Variants in PDE3B observed in about 807,000 individuals in gnomAD.
The protein encoded by PDE3B is phosphodiesterase 3B.
In PDE3B, 66 loss-of-function variants were observed where a neutral mutation model predicts 116.8. The ratio of observed to expected loss-of-function variants is 0.56; its 90% confidence interval spans 0.46 to 0.69. The LOEUF (loss-of-function observed/expected upper bound fraction) is 0.69, where lower values mean the gene tolerates loss of function less well. Ranked by LOEUF, PDE3B falls within the 30% of genes least tolerant of loss-of-function variation. The pLI is 0.00. For synonymous variants in PDE3B, 595 were observed against 533.6 expected (o/e 1.12, Z -1.59); for missense variants, 1,384 against 1,368.1 (o/e 1.01, Z -0.18).
At chr11:14,891,659 T>C in the PDE3B span, 1 of 1,161,190 alleles carries the variant, frequency 8.6e-7, no homozygotes, top group Non-Finnish European at 1.1e-6. Context: ...GGACCTGAAG[T>C]GGCGGCGCGG....
At chr11:14,854,083 A>G (rs1444557038) in intron 12 of PDE3B, among the ~76,000 whole-genome samples, 12 of 152,212 alleles carry the variant, frequency 7.9e-5, no homozygotes, top group South Asian at 6.2e-4. Context: ...TCACCAGCAG[A>G]TAAAAGTTTT....
At chr11:14,666,839 C>A (rs977163247) in intron 1 of PDE3B, among the ~76,000 whole-genome samples, 9 of 152,176 alleles carry the variant, frequency 5.9e-5, no homozygotes, top group African/African-American at 2.2e-4. Flanking sequence ...GTTGGTGGGA[C>A]TGTAAACTAG....
rs1036086206 is a variant in PDE3B, at chr11:14,702,941, G to A, written c.978+57888G>A. 3.3e-5 allele frequency among the ~76,000 whole-genome samples: 5 copies of A among 151,944 alleles called. No homozygotes were observed. In the East Asian group the frequency reaches 5.8e-4, roughly 18 times the overall value. The stretch of plus-strand genomic sequence containing the variant: ...CACTTATGGCCTGCGCCACACAGGG[G>A]CTGTGTCATTTCTGCTACCTTACTC... On this transcript the variant is annotated intron_variant, in intron 1 of 15. Transcript: ENST00000282096.
chr11:14,728,058 A>G (rs1014900124), intron 1 of PDE3B, among the ~76,000 whole-genome samples: 2 of 152,128 alleles, frequency 1.3e-5, no homozygotes, highest in Non-Finnish European at 2.9e-5. Flanking sequence ...GATCTATCAT[A>G]CATGCTTACT....
chr11:14,857,864 T>G (rs1240014617), intron 12 of PDE3B, among the ~76,000 whole-genome samples: 1 of 152,228 alleles, frequency 6.6e-6, no homozygotes, highest in Non-Finnish European at 1.5e-5. Context: ...AGTTAAGTCC[T>G]TGTCACATTT....
intron 1 of PDE3B, among the ~76,000 whole-genome samples, chr11:14,755,167 A>G (rs1440903074): frequency 6.6e-6 from 1 of 152,238 alleles, no homozygotes; most frequent in Middle Eastern, 3.2e-3. Context: ...TGTTTGAGTC[A>G]CAAGTAATGT....
At chr11:14,695,183 AATTTT>A (rs376233179) in intron 1 of PDE3B, among the ~76,000 whole-genome samples, 125 of 152,318 alleles carry the variant, frequency 8.2e-4, no homozygotes, top group African/African-American at 2.6e-3. Context: ...AAGGCAAAAC[AATTTT>A]ATTTATTTAT....
intron 4 of PDE3B, among the ~76,000 whole-genome samples, chr11:14,792,634 G>A (rs1033286478): frequency 6.6e-6 from 1 of 152,126 alleles, no homozygotes; most frequent in African/African-American, 2.4e-5. Flanking sequence ...GAGGACTTGA[G>A]ATTTTACTAA....
chr11:14,767,286 T>G (rs542840832), intron 1 of PDE3B, among the ~76,000 whole-genome samples: 1 of 151,612 alleles, frequency 6.6e-6, no homozygotes, highest in South Asian at 2.1e-4. Flanking sequence ...CAGAAGAATA[T>G]AGGGTAAATG....
intron 5 of PDE3B, among the ~76,000 whole-genome samples, chr11:14,814,851 A>C (rs1044459018): frequency 5.9e-5 from 9 of 152,106 alleles, no homozygotes; most frequent in Admixed American, 5.2e-4. Context: ...AGTCCCAGCT[A>C]CTTGGGAAAG....
the PDE3B span, chr11:14,878,044 C>A: frequency 1.4e-6 from 2 of 1,473,250 alleles, no homozygotes. Flanking sequence ...TATTCTAATA[C>A]ACACATTGAT....
intron 4 of PDE3B, 81 bp downstream of exon 4, chr11:14,789,323 G>A: frequency 9.1e-7 from 1 of 1,099,236 alleles, no homozygotes; most frequent in Non-Finnish European, 1.3e-6. Context: ...AAATAGTTCT[G>A]GAAGCAGAAA....
chr11:14,830,823 G>A lies in PDE3B; in HGVS notation c.1933G>A (p.Ala645Thr). The A allele has an allele frequency of 1.3e-6, 2 of 1,507,122 alleles. No homozygotes were observed. The highest frequency in any genetic ancestry group is 1.8e-6 in the Non-Finnish European group (2 of 1,132,802). 93.4% of individuals were successfully genotyped at this position (1,507,122 alleles called of 1,614,324 possible). The change falls in exon 8 of 16, where the codon GCA becomes ACA. Residue 645 changes from alanine to threonine, a missense_variant. By Grantham distance (58) the Ala-to-Thr change is moderately conservative. Around this residue, in one of 2 missense-constraint regions of PDE3B, gnomAD observed 956 missense variants for 806.8 expected, o/e 1.18. Transcript: ENST00000282096. Reference protein sequence around the residue: ...QEGDKWLTEEAQSEQQTNIEQ... With the variant: ...QEGDKWLTEETQSEQQTNIEQ... ...AGGTGATAAGTGGCTAACAGAAGAG[G>A]CACAGAGTGAACAGCAAACAAATGT...
intron 14 of PDE3B, among the ~76,000 whole-genome samples, chr11:14,867,203 C>A (rs1848062812): frequency 6.6e-6 from 1 of 152,032 alleles, no homozygotes; most frequent in African/African-American, 2.4e-5. Context: ...CCATAATTGA[C>A]ACTATGGAAT....
intron 7 of PDE3B, among the ~76,000 whole-genome samples, chr11:14,819,624 G>A (rs887740137): frequency 6.6e-6 from 1 of 152,080 alleles, no homozygotes; most frequent in Non-Finnish European, 1.5e-5. Flanking sequence ...TTGTGTTGAT[G>A]AAATTATAGT....
intron 1 of PDE3B, among the ~76,000 whole-genome samples, chr11:14,752,450 T>C (rs187675638): frequency 1.2e-3 from 179 of 152,302 alleles, no homozygotes; most frequent in Admixed American, 2.7e-3. Context: ...ATTCCTTTTG[T>C]TGTCTCTTGA....
chr11:14,815,405 GC>G (rs1859292317), intron 5 of PDE3B, among the ~76,000 whole-genome samples: 1 of 152,118 alleles, frequency 6.6e-6, no homozygotes, highest in South Asian at 2.1e-4. Flanking sequence ...TGAATCGGCT[GC>G]CAAGCTCATT....
At chr11:14,803,756 C>T (rs1227104939) in intron 4 of PDE3B, among the ~76,000 whole-genome samples, 188 bp from the exon 5 acceptor site, 2 of 152,106 alleles carry the variant, frequency 1.3e-5, no homozygotes, top group Non-Finnish European at 2.9e-5. Context: ...GAACATATAG[C>T]CAAAAGTATT....
chr11:14,882,766 T>C, the PDE3B span, among the ~76,000 whole-genome samples: 4 of 152,216 alleles, frequency 2.6e-5, no homozygotes, highest in African/African-American at 9.7e-5. Flanking sequence ...GATGACATGA[T>C]TGTATAACGA....
Sources: allele counts gnomAD v4.1 joint callset (sites outside exome capture counted in the v4.1 genomes callset), GRCh38; gene constraint gnomAD v4.1.1; regional missense constraint gnomAD v4.1.1; transcripts MANE v1.5; gene names NCBI Gene and HGNC (gene_info 2026-07-23, HGNC 2026-07-21).